The following MT1F variants were observed in gnomAD, a reference collection of about 807,000 sequenced individuals.
MT1F encodes metallothionein-1F.
In MT1F, 6 loss-of-function variants were observed where a neutral mutation model predicts 5.4. The observed-to-expected ratio is 1.11, with a 90% CI of 0.61 to 2.19. The LOEUF (loss-of-function observed/expected upper bound fraction) is 2.19, where lower values mean the gene tolerates loss of function less well. MT1F is among the 30% of genes most tolerant of loss of function. The probability of loss-of-function intolerance (pLI) is 0.00; values close to 1 mark genes in which losing one functional copy is unlikely to be tolerated. For missense variants in MT1F, 82 were observed against 77.0 expected (o/e 1.07, Z -0.24); for synonymous variants, 28 against 28.3 (o/e 0.99, Z 0.04).
Position 56,659,134 on chromosome 16 carries a change from G to A in MT1F, c.156G>A (p.Gly52=), listed in dbSNP as rs781695539. The A allele has an allele frequency of 5.6e-6, 9 of 1,614,042 alleles. No individual in the cohort carries two copies. In the Admixed American group the frequency reaches 1.0e-4, roughly 18 times the overall value. Residue 52 remains glycine, a synonymous_variant, in exon 3 of 3, where the codon GGG becomes GGA. Coordinates refer to ENST00000334350, the MANE Select transcript of MT1F (RefSeq NM_005949.4). ...GTGCCCAGGGCTGTGTTTGCAAAGG[G>A]GCGTCAGAGAAGTGCAGCTGCTGCG... ...SKCAQGCVCK[G]ASEKCSCCD is the part of the protein sequence containing the mutation.
chr16:56,658,917 A>T, intron 2 of MT1F, 156 bp from the exon 3 acceptor site: 1 of 1,051,950 alleles, frequency 9.5e-7, no homozygotes, highest in Non-Finnish European at 1.5e-6. Context: ...TCATAGGAAG[A>T]CCCACCCCAG....
In MT1F at chr16:56,658,032, G is replaced by C. The variant is rs1192951090; in HGVS notation, c.-27G>C. 3 of 1,613,534 alleles carry C rather than the reference G, an allele frequency of 1.9e-6. No individual in the cohort carries two copies. Among genetic ancestry groups the C allele is most frequent in the Middle Eastern group, 1.7e-4 (1 of 6,054 alleles). ...CCACTGCTTCTTCGCTTCTCTCTTG[G>C]AAAGTCCAGTCTCTCCTCGGCTTGC... On this transcript the variant is annotated 5_prime_UTR_variant, in exon 1 of 3. Transcript: ENST00000334350.
At chr16:56,658,583 C>A in intron 1 of MT1F, 92 bp from the exon 2 acceptor site, 1 of 1,329,640 alleles carries the variant, frequency 7.5e-7, no homozygotes, top group Non-Finnish European at 1.1e-6. Flanking sequence ...TGGCCCCGCA[C>A]AGAGGAGGGG....
At chr16:56,658,928 A>G (rs777554310) in intron 2 of MT1F, 145 bp from the exon 3 acceptor site, 15 of 1,047,032 alleles carry the variant, frequency 1.4e-5, no homozygotes, top group Non-Finnish European at 1.9e-5. Context: ...CCCACCCCAG[A>G]TATTTCCCAG....
At position 56,658,700 on chromosome 16, in the gene MT1F, C is replaced by CTGCAAGTGCAAAGAG. The variant is rs1960652680; in HGVS notation, c.60_74dup (p.Lys22_Cys26dup). 6.2e-7 allele frequency: 1 copy of CTGCAAGTGCAAAGAG among 1,614,090 alleles called. No individual in the cohort carries two copies. Among genetic ancestry groups the CTGCAAGTGCAAAGAG allele is most frequent in the African/African-American group, 1.3e-5 (1 of 74,932 alleles). ...GTGTCTCCTGCACCTGCGCTGGTTC[C>CTGCAAGTGCAAAGAG]TGCAAGTGCAAAGAGTGCAAATGCA... On this transcript the variant is annotated inframe_insertion, in exon 2 of 3. Coordinates refer to ENST00000334350, the MANE Select transcript of MT1F (RefSeq NM_005949.4).
intron 2 of MT1F, 21 bp from the exon 3 acceptor site, chr16:56,659,052 C>T (rs1271756457): frequency 1.9e-6 from 3 of 1,610,458 alleles, no homozygotes; most frequent in Non-Finnish European, 2.5e-6. Context: ...TGTGACCTCT[C>T]ATGCTCCTCT....
At chr16:56,658,951 A>G in intron 2 of MT1F, 122 bp from the exon 3 acceptor site, 8 of 1,089,234 alleles carry the variant, frequency 7.3e-6, no homozygotes, top group Non-Finnish European at 9.8e-6. Context: ...GTCTCCTGAC[A>G]AAGCCATACC....
intron 2 of MT1F, 63 bp downstream of exon 2, chr16:56,658,803 T>G (rs1960655050): frequency 6.3e-7 from 1 of 1,585,038 alleles, no homozygotes; most frequent in East Asian, 2.2e-5. Context: ...AACCCAAGGC[T>G]GGCCCTGAGT....
chr16:56,658,053 C>T lies in MT1F; in HGVS notation c.-6C>T. On this transcript the variant is annotated 5_prime_UTR_variant, in exon 1 of 3. Coordinates refer to ENST00000334350, the MANE Select transcript of MT1F (RefSeq NM_005949.4). ...CTTGGAAAGTCCAGTCTCTCCTCGGCTTGCAATGGACCCCAACTGCTCCTG... is the reference window on the plus strand; with the variant it reads ...CTTGGAAAGTCCAGTCTCTCCTCGGTTTGCAATGGACCCCAACTGCTCCTG... 1 of 1,614,122 alleles carries T rather than the reference C, an allele frequency of 6.2e-7. No individual in the cohort carries two copies. Among genetic ancestry groups the T allele is most frequent in the Non-Finnish European group, 8.5e-7 (1 of 1,179,952 alleles).
At position 56,659,077 on chromosome 16, in the gene MT1F, CT is replaced by C; in HGVS notation, c.100del (p.Cys34AlafsTer54). The C allele has an allele frequency of 6.2e-7, 1 of 1,613,784 alleles. No individual in the cohort carries two copies. The highest frequency in any genetic ancestry group is 8.5e-7 in the Non-Finnish European group (1 of 1,179,982). ...CATGCTCCTCTTCTTCCCCAGGCTGCTGCTCCTGCTGCCCCGTGGGCTGTAG... is the reference window on the plus strand; with the variant it reads ...CATGCTCCTCTTCTTCCCCAGGCTGCGCTCCTGCTGCCCCGTGGGCTGTAG... ...CKCTSCKKSC[C>X]SCCPVGCSKC... On this transcript the variant is annotated frameshift_variant, in exon 3 of 3. Coordinates refer to ENST00000334350, the MANE Select transcript of MT1F (RefSeq NM_005949.4). LOFTEE classifies it high-confidence loss of function.
rs756022697 is a variant in MT1F at position 56,658,712 on chromosome 16, A to C, written c.66A>C (p.Lys22Asn). ...SCTCAGSCKC[K>N]ECKCTSCKKS... is the part of the protein sequence containing the mutation. ...CCTGCGCTGGTTCCTGCAAGTGCAA[A>C]GAGTGCAAATGCACCTCCTGCAAGA... Residue 22 changes from lysine to asparagine, a missense_variant, in exon 2 of 3, where the codon AAA becomes AAC. Lys to Asn is a moderately conservative substitution (Grantham distance 94, BLOSUM62 0). Transcript: ENST00000334350. 1 of 1,614,212 alleles carries C rather than the reference A, an allele frequency of 6.2e-7. No homozygotes were observed. The highest frequency in any genetic ancestry group is 1.7e-5 in the Admixed American group (1 of 60,032).
Position 56,658,072 on chromosome 16 carries a change from G to T in MT1F, c.14G>T (p.Cys5Phe), listed in dbSNP as rs769926618. 2.5e-6 allele frequency: 4 copies of T among 1,614,152 alleles called. No homozygotes were observed. In the East Asian group the frequency reaches 6.7e-5, roughly 27 times the overall value. Reference sequence around the variant, plus strand: ...CCTCGGCTTGCAATGGACCCCAACTGCTCCTGCGCCGCTGGTAAGGAACGC... The same window carrying T: ...CCTCGGCTTGCAATGGACCCCAACTTCTCCTGCGCCGCTGGTAAGGAACGC... MDPN[C>F]SCAAGVSCTC... Residue 5 changes from cysteine to phenylalanine, a missense_variant, in exon 1 of 3, where the codon TGC becomes TTC. Transcript: ENST00000334350.
At chr16:56,658,426 C>T (rs1960647938) in intron 1 of MT1F, 2 of 595,490 alleles carry the variant, frequency 3.4e-6, no homozygotes, top group Admixed American at 6.0e-5. Context: ...GACAGAAAGT[C>T]GAAGTCGCCG....
Position 56,659,078 on chromosome 16 carries a change from T to C in MT1F, c.100T>C (p.Cys34Arg). ...ATGCTCCTCTTCTTCCCCAGGCTGCTGCTCCTGCTGCCCCGTGGGCTGTAG... is the reference window on the plus strand; with the variant it reads ...ATGCTCCTCTTCTTCCCCAGGCTGCCGCTCCTGCTGCCCCGTGGGCTGTAG... Reference protein sequence around the residue: ...CKCTSCKKSCCSCCPVGCSKC... With the variant: ...CKCTSCKKSCRSCCPVGCSKC... Residue 34 changes from cysteine (C) to arginine (R), a missense_variant, in exon 3 of 3, where the codon TGC becomes CGC. Physicochemically the swap from Cys to Arg is radical, Grantham distance 180. Transcript: ENST00000334350. 6.2e-7 allele frequency: 1 copy of C among 1,613,792 alleles called. No homozygotes were observed. The highest frequency in any genetic ancestry group is 1.1e-5 in the South Asian group (1 of 91,060).
At chr16:56,658,608 T>C in intron 1 of MT1F, 67 bp from the exon 2 acceptor site, 1 of 1,539,504 alleles carries the variant, frequency 6.5e-7, no homozygotes, top group Non-Finnish European at 9.0e-7. Flanking sequence ...TGGAGACTCA[T>C]TAACTCACTG....
chr16:56,658,429 A>G, intron 1 of MT1F: 1 of 597,356 alleles, frequency 1.7e-6, no homozygotes, highest in East Asian at 2.8e-5. Flanking sequence ...AGAAAGTCGA[A>G]GTCGCCGTCT....
chr16:56,659,053 A>G lies in MT1F; in HGVS notation c.95-20A>G. 3 of 1,611,148 alleles carry G rather than the reference A, an allele frequency of 1.9e-6. No homozygotes were observed. Among genetic ancestry groups the G allele is most frequent in the Non-Finnish European group, 1.7e-6 (2 of 1,178,154 alleles). ...CTGGGCAAGTTGGCTGTGACCTCTC[A>G]TGCTCCTCTTCTTCCCCAGGCTGCT... On this transcript the variant is annotated intron_variant, in intron 2 of 2. Coordinates refer to ENST00000334350, the MANE Select transcript of MT1F (RefSeq NM_005949.4).
At position 56,659,126 on chromosome 16, in the gene MT1F, T is replaced by G; in HGVS notation, c.148T>G (p.Cys50Gly). 1.2e-6 allele frequency: 2 copies of G among 1,614,162 alleles called. 1 individual carries two copies. The highest frequency in any genetic ancestry group is 3.3e-4 in the Middle Eastern group (2 of 6,050). The change falls in exon 3 of 3, where the codon TGC becomes GGC. Residue 50 changes from cysteine (C) to glycine (G), a missense_variant. Transcript: ENST00000334350. ...GCSKCAQGCV[C>G]KGASEKCSCC... ...TAGCAAGTGTGCCCAGGGCTGTGTTTGCAAAGGGGCGTCAGAGAAGTGCAG... is the reference window on the plus strand; with the variant it reads ...TAGCAAGTGTGCCCAGGGCTGTGTTGGCAAAGGGGCGTCAGAGAAGTGCAG...
rs1237934614 is a variant in MT1F at position 56,659,085 on chromosome 16, G to A, written c.107G>A (p.Cys36Tyr). ...TCTTCTTCCCCAGGCTGCTGCTCCT[G>A]CTGCCCCGTGGGCTGTAGCAAGTGT... is the stretch of plus-strand genomic sequence containing the variant. ...CTSCKKSCCS[C>Y]CPVGCSKCAQ... Residue 36 changes from cysteine (C) to tyrosine (Y), a missense_variant, in exon 3 of 3, where the codon TGC (cysteine) becomes TAC (tyrosine). By Grantham distance (194) the Cys-to-Tyr change is radical (BLOSUM62 -2). Coordinates refer to ENST00000334350, the MANE Select transcript of MT1F (RefSeq NM_005949.4). The A allele has an allele frequency of 5.0e-6, 8 of 1,613,686 alleles. No homozygotes were observed. Among genetic ancestry groups the A allele is most frequent in the Non-Finnish European group, 6.8e-6 (8 of 1,179,948 alleles).
Sources: gnomAD v4.1 joint callset for allele counts on GRCh38, gnomAD v4.1.1 for gene constraint, MANE v1.5 for transcripts, NCBI Gene and HGNC (gene_info 2026-07-23, HGNC 2026-07-21) for gene names.